PIK3CA: variants seen among roughly 807,000 people sequenced by gnomAD.
The protein encoded by PIK3CA is phosphatidylinositol-4,5-bisphosphate 3-kinase catalytic subunit alpha, also known as phosphatidylinositol 4,5-bisphosphate 3-kinase catalytic subunit alpha isoform.
PIK3CA carries 27 observed loss-of-function variants against 138.2 expected under a neutral mutation model. The observed-to-expected ratio is 0.20, with a 90% CI of 0.14 to 0.27. The LOEUF (loss-of-function observed/expected upper bound fraction) is 0.27, where lower values mean the gene tolerates loss of function less well. PIK3CA is among the 10% of genes least tolerant of loss of function. The pLI, the probability that PIK3CA is intolerant of heterozygous loss-of-function variation, is 1.00. For synonymous variants in PIK3CA, 358 were observed against 413.2 expected (o/e 0.87, Z 1.62); for missense variants, 544 against 1,277.4 (o/e 0.43, Z 8.75).
At chr3:179,194,719 A>T (rs530871188) in intron 1 of PIK3CA, among the ~76,000 whole-genome samples, 1 of 151,290 alleles carries the variant, frequency 6.6e-6, no homozygotes, top group Non-Finnish European at 1.5e-5. Context: ...CTTTATACAC[A>T]CTCTCTTGTG....
Position 179,229,421 on chromosome 3 carries a change from A to G in PIK3CA, c.2645A>G (p.Lys882Arg), listed in dbSNP as rs1725161040. ...FNSHTLHQWL[K>R]DKNKGEIYDA... ...AGCCACACACTACATCAGTGGCTCAAAGACAAGAACAAAGGAGAAATGTGA... is the reference window on the plus strand; with the variant it reads ...AGCCACACACTACATCAGTGGCTCAGAGACAAGAACAAAGGAGAAATGTGA... Residue 882 changes from lysine (K) to arginine (R), a missense_variant, in exon 18 of 21, where the codon AAA becomes AGA. Physicochemically the swap from Lys to Arg is conservative, Grantham distance 26. Around this residue, in one of 14 missense-constraint regions of PIK3CA, gnomAD observed 72 missense variants for 271.8 expected, o/e 0.26. Transcript: ENST00000263967. The G allele has an allele frequency of 6.2e-7, 1 of 1,611,962 alleles. No homozygotes were observed. The highest frequency in any genetic ancestry group is 8.5e-7 in the Non-Finnish European group (1 of 1,179,152).
intron 1 of PIK3CA, among the ~76,000 whole-genome samples, chr3:179,174,337 G>A (rs1285610088): frequency 7.1e-6 from 1 of 141,828 alleles, no homozygotes; most frequent in African/African-American, 2.8e-5. Flanking sequence ...TGGGCATGGT[G>A]GCAAGCACCT....
Position 179,155,275 on chromosome 3 carries a change from G to T in PIK3CA, c.-77+6672G>T, listed in dbSNP as rs187490040. 7.9e-5 allele frequency among the ~76,000 whole-genome samples: 12 copies of T among 152,262 alleles called. No homozygotes were observed. The East Asian group carries it at 2.3e-3, about 29-fold the overall frequency. On this transcript the variant is annotated intron_variant, in intron 1 of 20. Coordinates refer to ENST00000263967, the MANE Select transcript of PIK3CA (RefSeq NM_006218.4). The stretch of plus-strand genomic sequence containing the variant: ...GCACATACTGTAGTGTCCAAATGTA[G>T]GTGATCAGTAAGCACTGATCTTTGT...
intron 17 of PIK3CA, among the ~76,000 whole-genome samples, chr3:179,228,200 C>T (rs976259554): frequency 1.3e-5 from 2 of 151,912 alleles, no homozygotes; most frequent in African/African-American, 4.8e-5. Flanking sequence ...TCATTATCTG[C>T]CGCTGAACCT....
intron 1 of PIK3CA, among the ~76,000 whole-genome samples, chr3:179,149,106 G>A (rs1722939347): frequency 1.3e-5 from 2 of 152,070 alleles, no homozygotes; most frequent in South Asian, 4.1e-4. Context: ...CCTCTTACTG[G>A]GTTTAAATCG....
At chr3:179,212,913 G>A (rs775631488) in intron 9 of PIK3CA, among the ~76,000 whole-genome samples, 3 of 152,100 alleles carry the variant, frequency 2.0e-5, no homozygotes, top group African/African-American at 7.2e-5. Flanking sequence ...TTATATTTCT[G>A]TTAAGACTTC....
At chr3:179,169,574 G>A (rs1723499955) in intron 1 of PIK3CA, among the ~76,000 whole-genome samples, 1 of 152,064 alleles carries the variant, frequency 6.6e-6, no homozygotes, top group Admixed American at 6.5e-5. Flanking sequence ...TAAATAATCT[G>A]TCCTAATTAA....
chr3:179,207,020 T>C (rs1462075988), intron 6 of PIK3CA, among the ~76,000 whole-genome samples: 1 of 152,168 alleles, frequency 6.6e-6, no homozygotes, highest in African/African-American at 2.4e-5. Flanking sequence ...ATATTTGTCT[T>C]TAAGCATTCT....
chr3:179,192,846 A>C (rs1724168333), intron 1 of PIK3CA, among the ~76,000 whole-genome samples: 2 of 152,274 alleles, frequency 1.3e-5, no homozygotes, highest in African/African-American at 4.8e-5. Context: ...TAGAGTTCTA[A>C]TGTAAATATA....
At position 179,220,646 on chromosome 3, in the gene PIK3CA, C is replaced by T. The variant is rs1724944217; in HGVS notation, c.2016-340C>T. ...ATAGGCGTGTGTCAGAAGAGTCAAA[C>T]AGCATTCACTGAGCGCTTTGTTCCC... is the stretch of plus-strand genomic sequence containing the variant. On this transcript the variant is annotated intron_variant, in intron 13 of 20. Transcript: ENST00000263967. The surrounding 1 kb of genome is among the most constrained non-coding windows in gnomAD (Gnocchi z 4.1). Among the ~76,000 whole-genome samples, 1 of 152,100 alleles carries T rather than the reference C, an allele frequency of 6.6e-6. No individual in the cohort carries two copies.
At chr3:179,187,260 G>C (rs978378514) in intron 1 of PIK3CA, among the ~76,000 whole-genome samples, 1 of 151,920 alleles carries the variant, frequency 6.6e-6, no homozygotes, top group Non-Finnish European at 1.5e-5. Context: ...AAGGGAGGCC[G>C]GGTGCGGTGG....
At chr3:179,206,846 G>A (rs1724574172) in intron 6 of PIK3CA, among the ~76,000 whole-genome samples, 1 of 151,490 alleles carries the variant, frequency 6.6e-6, no homozygotes, top group East Asian at 1.9e-4. Context: ...TGAGCCCAGG[G>A]AGGTTGAGAC....
chr3:179,187,537 C>CAAAA (rs375116506), intron 1 of PIK3CA, among the ~76,000 whole-genome samples: 3 of 63,342 alleles, frequency 4.7e-5, no homozygotes, highest in African/African-American at 6.3e-5. Context: ...GACTCCGCCT[C>CAAAA]AAAAAAAAAA....
chr3:179,162,436 C>T (rs1723307841), intron 1 of PIK3CA, among the ~76,000 whole-genome samples: 1 of 152,032 alleles, frequency 6.6e-6, no homozygotes, highest in Non-Finnish European at 1.5e-5. Context: ...GTCTTGAACT[C>T]CTGGGCTCGA....
At chr3:179,182,692 A>G (rs767137759) in intron 1 of PIK3CA, among the ~76,000 whole-genome samples, 6 of 151,892 alleles carry the variant, frequency 4.0e-5, no homozygotes, top group Non-Finnish European at 7.4e-5. Context: ...GTAATATTCT[A>G]CTCACTGATC....
intron 9 of PIK3CA, among the ~76,000 whole-genome samples, chr3:179,215,955 T>C (rs139346633): frequency 0.015 from 2,345 of 152,174 alleles, 66 homozygotes; most frequent in South Asian, 0.13. Flanking sequence ...ATCCAGGATG[T>C]TTAGCATCCC....
intron 1 of PIK3CA, among the ~76,000 whole-genome samples, chr3:179,177,971 G>A (rs930669215): frequency 2.0e-5 from 3 of 151,784 alleles, no homozygotes; most frequent in Non-Finnish European, 4.4e-5. Flanking sequence ...CAGGTGTGGT[G>A]GTTTACACCT....
chr3:179,148,173 G>GC (rs1553812171), upstream of PIK3CA: 1 of 152,338 alleles, frequency 6.6e-6, no homozygotes, highest in Non-Finnish European at 1.5e-5. Flanking sequence ...CCGGAGGAGG[G>GC]GGGGGGCCGA....
At chr3:179,179,328 T>C (rs1316495592) in intron 1 of PIK3CA, among the ~76,000 whole-genome samples, 1 of 152,222 alleles carries the variant, frequency 6.6e-6, no homozygotes, top group East Asian at 1.9e-4. Context: ...CATTAAAACA[T>C]TGATGAATCC....
Sources: allele counts gnomAD v4.1 joint callset (sites outside exome capture counted in the v4.1 genomes callset), GRCh38; gene constraint gnomAD v4.1.1; regional missense constraint gnomAD v4.1.1; non-coding constraint Gnocchi (gnomAD v3.1); transcripts MANE v1.5; gene names NCBI Gene and HGNC (gene_info 2026-07-23, HGNC 2026-07-21).